KSR2: variants seen among roughly 807,000 people sequenced by gnomAD.
The protein encoded by KSR2 is kinase suppressor of ras 2.
Under a neutral mutation model 107.8 loss-of-function variants are expected in KSR2, and 25 were observed. The observed-to-expected ratio is 0.23, with a 90% CI of 0.17 to 0.32. KSR2 has a LOEUF of 0.32. Among genes scored for constraint, KSR2 ranks in the 10% least tolerant of loss-of-function variants. The probability of loss-of-function intolerance (pLI) is 1.00; values close to 1 mark genes in which losing one functional copy is unlikely to be tolerated. For missense variants in KSR2, 887 were observed against 1,268.9 expected (o/e 0.70, Z 4.57); for synonymous variants, 480 against 507.0 (o/e 0.95, Z 0.71).
intron 1 of KSR2, among the ~76,000 whole-genome samples, chr12:117,900,160 T>A (rs989676092): frequency 1.3e-5 from 2 of 152,244 alleles, no homozygotes; most frequent in African/African-American, 4.8e-5. Context: ...CCACCATGTT[T>A]GTGATGATTT....
intron 5 of KSR2, among the ~76,000 whole-genome samples, chr12:117,664,792 C>A (rs899890972): frequency 1.3e-5 from 2 of 152,144 alleles, no homozygotes; most frequent in Non-Finnish European, 2.9e-5. Flanking sequence ...AATTCATGCA[C>A]CATTCTGAGC....
At chr12:117,719,112 C>A (rs1887109700) in intron 4 of KSR2, among the ~76,000 whole-genome samples, 1 of 152,128 alleles carries the variant, frequency 6.6e-6, no homozygotes, top group South Asian at 2.1e-4. Context: ...CTCATACAAA[C>A]CTTAAACGTA....
At chr12:117,868,981 G>A (rs576400004) in intron 1 of KSR2, among the ~76,000 whole-genome samples, 45 of 152,076 alleles carry the variant, frequency 3.0e-4, no homozygotes, top group Middle Eastern at 3.4e-3. Context: ...TCGAACTCCC[G>A]ACCTCAGGTG....
At chr12:117,490,864 T>C (rs78493542) in intron 14 of KSR2, among the ~76,000 whole-genome samples, 3,592 of 152,340 alleles carry the variant, frequency 0.024, 126 homozygotes, top group African/African-American at 0.078. Context: ...TGTTTTGATA[T>C]ATGTATACAT....
chr12:117,525,322 C>T (rs1875052389), intron 13 of KSR2, 103 bp from the exon 14 acceptor site: 1 of 1,295,240 alleles, frequency 7.7e-7, no homozygotes, highest in Non-Finnish European at 1.0e-6. Flanking sequence ...CTGGGCACAT[C>T]TCTACATGCA....
chr12:117,919,457 T>C (rs1362975679), intron 1 of KSR2, among the ~76,000 whole-genome samples: 4 of 152,178 alleles, frequency 2.6e-5, no homozygotes, highest in Non-Finnish European at 5.9e-5. Flanking sequence ...CGGCAGAATG[T>C]GAATCTTCAA....
At chr12:117,821,285 T>G (rs751358900) in intron 3 of KSR2, among the ~76,000 whole-genome samples, 1 of 152,158 alleles carries the variant, frequency 6.6e-6, no homozygotes, top group African/African-American at 2.4e-5. Context: ...TGGGTCTACT[T>G]ATATGTGGAT....
chr12:117,714,821 C>T (rs1234100344), intron 4 of KSR2, among the ~76,000 whole-genome samples: 4 of 152,128 alleles, frequency 2.6e-5, no homozygotes, highest in Non-Finnish European at 2.9e-5. Flanking sequence ...AGAGAAGATG[C>T]TAAACATCTA....
At chr12:117,485,984 C>T (rs1363207456) in intron 14 of KSR2, among the ~76,000 whole-genome samples, 1 of 152,196 alleles carries the variant, frequency 6.6e-6, no homozygotes, top group African/African-American at 2.4e-5. Flanking sequence ...CCCAGAGGCT[C>T]ACAGGTGGAA....
chr12:117,961,820 A>G (rs1896666629), intron 1 of KSR2, among the ~76,000 whole-genome samples: 1 of 152,194 alleles, frequency 6.6e-6, no homozygotes, highest in South Asian at 2.1e-4. Context: ...ACACAGCAAT[A>G]GAAAATTGAG....
chr12:117,683,731 A>G lies in KSR2; in HGVS notation c.987-16073T>C, dbSNP rs186087685. Reference sequence around the variant, plus strand: ...ATTCCCCTCTTGTCCACTAAGACACACTTCAGGTCTAGGGCAAGAGAGGAA... The same window carrying G: ...ATTCCCCTCTTGTCCACTAAGACACGCTTCAGGTCTAGGGCAAGAGAGGAA... On this transcript the variant is annotated intron_variant, in intron 4 of 19. Coordinates refer to ENST00000339824, the MANE Select transcript of KSR2 (RefSeq NM_173598.6). Among the ~76,000 whole-genome samples, 167 of 152,324 alleles carry G rather than the reference A, an allele frequency of 1.1e-3. 1 individual carries two copies. The highest frequency in any genetic ancestry group is 3.9e-3 in the African/African-American group (163 of 41,566).
intron 3 of KSR2, among the ~76,000 whole-genome samples, chr12:117,814,030 T>C (rs1891288649): frequency 6.6e-6 from 1 of 152,206 alleles, no homozygotes; most frequent in African/African-American, 2.4e-5. Context: ...GAACAAACAC[T>C]ACATGTTCTC....
At chr12:117,852,231 T>G (rs955022315) in intron 3 of KSR2, among the ~76,000 whole-genome samples, 28 of 151,230 alleles carry the variant, frequency 1.9e-4, no homozygotes, top group Non-Finnish European at 4.4e-5. Context: ...AAGACCAGCC[T>G]GGGCAACACG....
At position 117,476,522 on chromosome 12, in the gene KSR2, G is replaced by A. The variant is rs1451286939; in HGVS notation, c.2524C>T (p.Pro842Ser). The A allele has an allele frequency of 1.2e-6, 2 of 1,609,522 alleles. No homozygotes were observed. Among genetic ancestry groups the A allele is most frequent in the Admixed American group, 3.4e-5 (2 of 59,476 alleles). ...LAPEIIRQLS[P>S]DTEEDKLPFS... ...GGGAGCTTATCCTCCTCTGTGTCGGGGGACAGCTGGCGGATGATCTCTGGT... is the reference window on the plus strand; with the variant it reads ...GGGAGCTTATCCTCCTCTGTGTCGGAGGACAGCTGGCGGATGATCTCTGGT... The change falls in exon 17 of 20, where the codon CCC (proline) becomes TCC (serine). Residue 842 changes from proline to serine, a missense_variant. Coordinates refer to ENST00000339824, the MANE Select transcript of KSR2 (RefSeq NM_173598.6).
intron 1 of KSR2, 89 bp from the exon 2 acceptor site, chr12:117,860,520 T>C: frequency 7.8e-7 from 1 of 1,284,370 alleles, no homozygotes; most frequent in East Asian, 2.6e-5. Flanking sequence ...ACCCCCACCC[T>C]AAACCCAGCC....
chr12:117,491,060 G>A (rs1386010900), intron 14 of KSR2, among the ~76,000 whole-genome samples: 1 of 152,098 alleles, frequency 6.6e-6, no homozygotes, highest in East Asian at 1.9e-4. Context: ...TGTGGCCTTT[G>A]ATCAAAGTCT....
intron 3 of KSR2, among the ~76,000 whole-genome samples, chr12:117,768,100 TA>T (rs1889311305): frequency 6.6e-6 from 1 of 152,202 alleles, no homozygotes; most frequent in African/African-American, 2.4e-5. Context: ...GAAACTCCCC[TA>T]ATCATAAATG....
chr12:117,590,369 C>A (rs1019648220), intron 5 of KSR2, among the ~76,000 whole-genome samples: 1 of 152,156 alleles, frequency 6.6e-6, no homozygotes, highest in Admixed American at 6.5e-5. Context: ...CGTGAGCACA[C>A]CTGTGACAAA....
chr12:117,726,024 T>A (rs1216958277), intron 4 of KSR2, among the ~76,000 whole-genome samples: 1 of 151,774 alleles, frequency 6.6e-6, no homozygotes, highest in Non-Finnish European at 1.5e-5. Context: ...AAAAATTAGC[T>A]GGGTGTGGTG....
Sources: allele counts gnomAD v4.1 joint callset (sites outside exome capture counted in the v4.1 genomes callset), GRCh38; gene constraint gnomAD v4.1.1; transcripts MANE v1.5; gene names NCBI Gene and HGNC (gene_info 2026-07-23, HGNC 2026-07-21).